Variants in NEURL4 observed in about 807,000 individuals in gnomAD.
The protein encoded by NEURL4 is neuralized-like protein 4.
In NEURL4, 45 loss-of-function variants were observed where a neutral mutation model predicts 148.0. The observed-to-expected ratio is 0.30, with a 90% CI of 0.24 to 0.39. NEURL4 has a LOEUF of 0.39. NEURL4 is among the 10% of genes least tolerant of loss of function. The pLI is 1.00. For missense variants in NEURL4, 1,776 were observed against 2,144.0 expected (o/e 0.83, Z 3.39); for synonymous variants, 854 against 869.0 (o/e 0.98, Z 0.30).
chr17:7,322,207 G>C lies in NEURL4; in HGVS notation c.2726-197C>G, dbSNP rs1377024263. Among the ~76,000 whole-genome samples, 1 of 152,100 alleles carries C rather than the reference G, an allele frequency of 6.6e-6. No homozygotes were observed. Among genetic ancestry groups the C allele is most frequent in the Non-Finnish European group, 1.5e-5 (1 of 68,024 alleles). On this transcript the variant is annotated intron_variant, in intron 16 of 28. Transcript: ENST00000399464. This position sits in a 1 kb window ranked among gnomAD's most constrained non-coding sequence, Gnocchi z 5.5. ...GAGTCTCGCTCTGTCACTCAGGCTG[G>C]AGTGCAGGGGCACAGTCGTGGCTCA...
In NEURL4 at chr17:7,326,921, G is replaced by A. The variant is rs763922598; in HGVS notation, c.882C>T (p.Ser294=). Residue 294 remains serine (S), a synonymous_variant, in exon 4 of 29, where the codon TCC becomes TCT. Transcript: ENST00000399464. The surrounding 1 kb of genome is among the most constrained non-coding windows in gnomAD (Gnocchi z 6.0). ...ATCCCAGGCCTTCCCCTGCCGGTGG[G>A]GAGCTCAGGTTCACATTCAGGAGCC... The part of the protein sequence containing the change: ...NGGLLNVNLS[S]PPAGEGLGSS... 1.9e-6 allele frequency: 3 copies of A among 1,613,936 alleles called. No homozygotes were observed. Among genetic ancestry groups the A allele is most frequent in the South Asian group, 1.1e-5 (1 of 91,074 alleles).
Position 7,329,165 on chromosome 17 carries a change from G to A in NEURL4, c.148C>T (p.Arg50Cys), listed in dbSNP as rs2073141556. Residue 50 changes from arginine to cysteine, a missense_variant, in exon 1 of 29, where the codon CGC (arginine) becomes TGC (cysteine). Physicochemically the swap from Arg to Cys is radical, Grantham distance 180. Transcript: ENST00000399464. ...SGGELHPRTGRLVSLSACGRT... is the reference protein window; with the variant it reads ...SGGELHPRTGCLVSLSACGRT... Reference sequence around the variant, plus strand: ...CCACAGGCCGACAGGCTCACCAAGCGCCCAGTGCGCGGGTGCAGTTCCCCG... The same window carrying A: ...CCACAGGCCGACAGGCTCACCAAGCACCCAGTGCGCGGGTGCAGTTCCCCG... 3 of 1,601,608 alleles carry A rather than the reference G, an allele frequency of 1.9e-6. No individual in the cohort carries two copies. Among genetic ancestry groups the A allele is most frequent in the South Asian group, 2.2e-5 (2 of 89,878 alleles).
chr17:7,327,561 G>C lies in NEURL4; in HGVS notation c.606C>G (p.Ile202Met), dbSNP rs766619998. The change falls in exon 2 of 29, where the codon ATC becomes ATG. Residue 202 changes from isoleucine (I) to methionine (M), a missense_variant. Coordinates refer to ENST00000399464, the MANE Select transcript of NEURL4 (RefSeq NM_032442.3). The surrounding 1 kb of genome is among the most constrained non-coding windows in gnomAD (Gnocchi z 6.6). ...AGCCTGGCTCAGGGGGTAGCACGGT[G>C]ATCTGGGTGCACTTGCCATAAAGGT... ...VVDLYGKCTQ[I>M]TVLPPEPGFS... The C allele has an allele frequency of 3.7e-6, 6 of 1,610,866 alleles. No individual in the cohort carries two copies. Among genetic ancestry groups the C allele is most frequent in the Non-Finnish European group, 5.1e-6 (6 of 1,179,556 alleles).
chr17:7,318,947 C>T lies in NEURL4; in HGVS notation c.3684+103G>A. On this transcript the variant is annotated intron_variant, in intron 22 of 28. Coordinates refer to ENST00000399464, the MANE Select transcript of NEURL4 (RefSeq NM_032442.3). The surrounding 1 kb of genome is among the most constrained non-coding windows in gnomAD (Gnocchi z 4.3). ...TGCCCATTACTGTTCCCCTTTTACA[C>T]CTGTGGTCCTACCTCCAAGGCTAGG... 1 of 1,333,822 alleles carries T rather than the reference C, an allele frequency of 7.5e-7. No homozygotes were observed. The highest frequency in any genetic ancestry group is 1.0e-6 in the Non-Finnish European group (1 of 973,186). 82.6% of individuals were successfully genotyped at this position (1,333,822 alleles called of 1,614,324 possible). A position where few individuals can be genotyped will look rare whatever the true frequency, so the allele number is the denominator to read the frequency against.
rs1041388553 is a variant in NEURL4, at chr17:7,322,125, A to G, written c.2726-115T>C. 4 of 1,219,144 alleles carry G rather than the reference A, an allele frequency of 3.3e-6. No homozygotes were observed. The highest frequency in any genetic ancestry group is 4.7e-5 in the East Asian group (2 of 42,472). The allele number at this position is 1,219,144 out of a possible 1,614,324, so 75.5% of individuals were successfully genotyped here. On this transcript the variant is annotated intron_variant, in intron 16 of 28. Coordinates refer to ENST00000399464, the MANE Select transcript of NEURL4 (RefSeq NM_032442.3). The surrounding 1 kb of genome is among the most constrained non-coding windows in gnomAD (Gnocchi z 5.5). ...TGGGGATGCCAACGCCCCATCTGCC[A>G]TCTGCCATTACACCTCAGGGCCTCC...
At position 7,327,647 on chromosome 17, in the gene NEURL4, T is replaced by G; in HGVS notation, c.520A>C (p.Asn174His). 6.2e-7 allele frequency: 1 copy of G among 1,613,652 alleles called. No homozygotes were observed. The highest frequency in any genetic ancestry group is 8.5e-7 in the Non-Finnish European group (1 of 1,179,984). The change falls in exon 2 of 29, where the codon AAT (asparagine) becomes CAT (histidine). Residue 174 changes from asparagine (N) to histidine (H), a missense_variant. Asn to His is a moderately conservative substitution (Grantham distance 68). Coordinates refer to ENST00000399464, the MANE Select transcript of NEURL4 (RefSeq NM_032442.3). The surrounding 1 kb of genome is among the most constrained non-coding windows in gnomAD (Gnocchi z 6.6). The part of the protein sequence containing the change: ...TVAGELRLWV[N>H]GRDCGVAATG... Reference sequence around the variant, plus strand: ...GCAGCCACACCGCAATCCCGCCCATTCACCCAGAGCCGAAGCTCCCCAGCA... The same window carrying G: ...GCAGCCACACCGCAATCCCGCCCATGCACCCAGAGCCGAAGCTCCCCAGCA...
rs1373284627 is a variant in NEURL4 at position 7,327,483 on chromosome 17, A to G, written c.684T>C (p.Thr228=). 1.3e-6 allele frequency: 2 copies of G among 1,577,682 alleles called. No individual in the cohort carries two copies. Among genetic ancestry groups the G allele is most frequent in the Non-Finnish European group, 1.7e-6 (2 of 1,159,568 alleles). The change falls in exon 2 of 29, where the codon ACT becomes ACC. Residue 228 remains threonine, a synonymous_variant. Transcript: ENST00000399464. The surrounding 1 kb of genome is among the most constrained non-coding windows in gnomAD (Gnocchi z 6.6). ...PTPPLEPLAP[T]EDSALAEQGT... ...CCTGTTCAGCCAAGGCAGAGTCTTCAGTGGGGGCCAAGGGCTCGAGGGGAG... is the reference window on the plus strand; with the variant it reads ...CCTGTTCAGCCAAGGCAGAGTCTTCGGTGGGGGCCAAGGGCTCGAGGGGAG...
At chr17:7,323,418 C>A (rs1359243556) in intron 14 of NEURL4, 67 bp downstream of exon 14, 24 of 1,540,174 alleles carry the variant, frequency 1.6e-5, no homozygotes, top group Non-Finnish European at 2.0e-5. Flanking sequence ...TAGGCCCAAA[C>A]CTTGCTTCCC....
chr17:7,326,138 G>T lies in NEURL4; in HGVS notation c.1293+117C>A. The T allele has an allele frequency of 1.1e-6, 1 of 934,092 alleles. No individual in the cohort carries two copies. Among genetic ancestry groups the T allele is most frequent in the Non-Finnish European group, 1.7e-6 (1 of 597,750 alleles). The allele number at this position is 934,092 out of a possible 1,614,324, so 57.9% of individuals were successfully genotyped here. ...GCTTCTAGGAAGGAACCTTTAGGTG[G>T]AAGATACAGGGACTGCCTCTAGGTC... is the stretch of plus-strand genomic sequence containing the variant. On this transcript the variant is annotated intron_variant, in intron 6 of 28. Coordinates refer to ENST00000399464, the MANE Select transcript of NEURL4 (RefSeq NM_032442.3). The surrounding 1 kb of genome is among the most constrained non-coding windows in gnomAD (Gnocchi z 6.0).
chr17:7,319,634 A>C (rs1472101572), intron 21 of NEURL4, among the ~76,000 whole-genome samples: 2 of 145,174 alleles, frequency 1.4e-5, no homozygotes, highest in African/African-American at 5.0e-5. Flanking sequence ...CGGGAGGTGG[A>C]GGTTGCGGTG....
chr17:7,321,049 G>C lies in NEURL4; in HGVS notation c.3360+63C>G, dbSNP rs542027206. On this transcript the variant is annotated intron_variant, in intron 20 of 28. Coordinates refer to ENST00000399464, the MANE Select transcript of NEURL4 (RefSeq NM_032442.3). The surrounding 1 kb of genome is among the most constrained non-coding windows in gnomAD (Gnocchi z 6.3). ...CGATCAGAGAACCCAGAAAAGGCCT[G>C]GCATCCAACGGCCCAGCAACTGCCC... is the stretch of plus-strand genomic sequence containing the variant. 9.1e-4 allele frequency: 1,459 copies of C among 1,595,264 alleles called. 18 individuals carry two copies. The highest frequency in any genetic ancestry group is 3.9e-4 in the Admixed American group (23 of 58,934).
Position 7,325,693 on chromosome 17 carries a change from G to A in NEURL4, c.1314C>T (p.Leu438=), listed in dbSNP as rs774122690. The change falls in exon 7 of 29, where the codon CTC becomes CTT. Residue 438 remains leucine, a synonymous_variant. Coordinates refer to ENST00000399464, the MANE Select transcript of NEURL4 (RefSeq NM_032442.3). ...GTAGGGCAGAGTTGGACTTCCTTGT[G>A]AGGCCAATGTGGTCACCCTCCTAAT... is the stretch of plus-strand genomic sequence containing the variant. ...DELQEGDHIG[L]TRKSNSALHF... 12 of 1,613,636 alleles carry A rather than the reference G, an allele frequency of 7.4e-6. No individual in the cohort carries two copies. Among genetic ancestry groups the A allele is most frequent in the East Asian group, 6.7e-5 (3 of 44,876 alleles).
In NEURL4 at chr17:7,324,353, G is replaced by A; in HGVS notation, c.1899+42C>T. The A allele has an allele frequency of 6.2e-7, 1 of 1,613,980 alleles. No individual in the cohort carries two copies. The highest frequency in any genetic ancestry group is 8.5e-7 in the Non-Finnish European group (1 of 1,179,930). ...CCTGCATCAGCCCCGCGGTGTTTGT[G>A]ATGCCCGCTGCGGCCGCCAGGCGGC... On this transcript the variant is annotated intron_variant, in intron 10 of 28. Transcript: ENST00000399464. This position sits in a 1 kb window ranked among gnomAD's most constrained non-coding sequence, Gnocchi z 5.9.
In NEURL4 at chr17:7,322,703, G is replaced by C. The variant is rs1480175769; in HGVS notation, c.2725+32C>G. On this transcript the variant is annotated intron_variant, in intron 16 of 28. Coordinates refer to ENST00000399464, the MANE Select transcript of NEURL4 (RefSeq NM_032442.3). The surrounding 1 kb of genome is among the most constrained non-coding windows in gnomAD (Gnocchi z 5.5). ...TCCTCAGGTGCACAGCAGGCAAGCA[G>C]AGCCCGTCCAGCCCCCGCCCTGCTG... 1.2e-6 allele frequency: 2 copies of C among 1,602,370 alleles called. No individual in the cohort carries two copies. Among genetic ancestry groups the C allele is most frequent in the East Asian group, 2.2e-5 (1 of 44,778 alleles).
At position 7,322,782 on chromosome 17, in the gene NEURL4, G is replaced by A. The variant is rs200046311; in HGVS notation, c.2678C>T (p.Ala893Val). Reference sequence around the variant, plus strand: ...CTTCTCGGTGGCAGTGTTGCTGGTCGCCAGGCTGTTGTCCATGGGGCCGGT... The same window carrying A: ...CTTCTCGGTGGCAGTGTTGCTGGTCACCAGGCTGTTGTCCATGGGGCCGGT... ...NATGPMDNSL[A>V]TSNTATEKSF... Residue 893 changes from alanine to valine, a missense_variant, in exon 16 of 29, where the codon GCG (alanine) becomes GTG (valine). Coordinates refer to ENST00000399464, the MANE Select transcript of NEURL4 (RefSeq NM_032442.3). This position sits in a 1 kb window ranked among gnomAD's most constrained non-coding sequence, Gnocchi z 5.5. The A allele has an allele frequency of 2.8e-3, 4,450 of 1,613,212 alleles. 7 individuals are homozygous for A. Among genetic ancestry groups the A allele is most frequent in the Non-Finnish European group, 3.4e-3 (4,038 of 1,179,728 alleles).
In NEURL4 at chr17:7,319,207, A is replaced by G; in HGVS notation, c.3527T>C (p.Val1176Ala). Reference sequence around the variant, plus strand: ...CTGTCGGTTTAGGAAATCTATCCGCACCTGGGGAAGAAAGAACTACTCCAT... The same window carrying G: ...CTGTCGGTTTAGGAAATCTATCCGCGCCTGGGGAAGAAAGAACTACTCCAT... ...QPLVPQLLVQ[V>A]RIDFLNRQWT... Residue 1176 changes from valine (V) to alanine (A), a missense_variant and splice_region_variant, in exon 22 of 29, where the codon GTG (valine) becomes GCG (alanine). Transcript: ENST00000399464. The G allele has an allele frequency of 1.2e-6, 2 of 1,609,960 alleles. No individual in the cohort carries two copies. Among genetic ancestry groups the G allele is most frequent in the South Asian group, 2.2e-5 (2 of 90,834 alleles).
Position 7,325,268 on chromosome 17 carries a change from G to A in NEURL4, c.1572C>T (p.His524=). 1 of 1,608,262 alleles carries A rather than the reference G, an allele frequency of 6.2e-7. No individual in the cohort carries two copies. The highest frequency in any genetic ancestry group is 8.5e-7 in the Non-Finnish European group (1 of 1,177,836). ...TGGCTGCCTTCTGCCCACAGTTGGGGTGGAAGAGCAGGCGCTCAGGTTCTG... is the reference window on the plus strand; with the variant it reads ...TGGCTGCCTTCTGCCCACAGTTGGGATGGAAGAGCAGGCGCTCAGGTTCTG... ...AQAEPERLLF[H]PNCGQKAAIT... The change falls in exon 8 of 29, where the codon CAC becomes CAT. Residue 524 remains histidine (H), a synonymous_variant. Transcript: ENST00000399464.
In NEURL4 at chr17:7,324,581, G is replaced by T; in HGVS notation, c.1814-101C>A. 1 of 1,213,242 alleles carries T rather than the reference G, an allele frequency of 8.2e-7. No individual in the cohort carries two copies. The highest frequency in any genetic ancestry group is 1.2e-6 in the Non-Finnish European group (1 of 835,606). The allele number at this position is 1,213,242 out of a possible 1,614,324, so 75.2% of individuals were successfully genotyped here. ...GACTCCCGAGCCCACAGTCCACCTT[G>T]CCTTTTCTTTGATGACTAGATTTCT... On this transcript the variant is annotated intron_variant, in intron 9 of 28. Transcript: ENST00000399464. This position sits in a 1 kb window ranked among gnomAD's most constrained non-coding sequence, Gnocchi z 5.9.
rs748335628 is a variant in NEURL4 at position 7,329,002 on chromosome 17, ATC to A, written c.282+27_282+28del. 2.0e-6 allele frequency: 3 copies of A among 1,521,454 alleles called. No individual in the cohort carries two copies. In the Admixed American group the frequency reaches 5.8e-5, roughly 30 times the overall value. The allele number at this position is 1,521,454 out of a possible 1,614,324, so 94.2% of individuals were successfully genotyped here. A position where few individuals can be genotyped will look rare whatever the true frequency, so the allele number is the denominator to read the frequency against. On this transcript the variant is annotated intron_variant, in intron 1 of 28. Transcript: ENST00000399464. ...CTAGACGCCTCCCACCACCCTCCAC[ATC>A]TCTGTTCCGCGGTACCAGCGCTGCA...
Sources: gnomAD v4.1 joint callset for allele counts (sites outside exome capture counted in the v4.1 genomes callset) on GRCh38, gnomAD v4.1.1 for gene constraint, Gnocchi (gnomAD v3.1) non-coding constraint, MANE v1.5 for transcripts, NCBI Gene and HGNC (gene_info 2026-07-23, HGNC 2026-07-21) for gene names.